TNPO1: variants seen among roughly 807,000 people sequenced by gnomAD.
TNPO1 encodes transportin-1.
In TNPO1, 8 loss-of-function variants were observed where a neutral mutation model predicts 119.5. The ratio of observed to expected loss-of-function variants is 0.07; its 90% confidence interval spans 0.04 to 0.12. TNPO1 has a LOEUF of 0.12. Among genes scored for constraint, TNPO1 ranks in the 10% least tolerant of loss-of-function variants. TNPO1 has a pLI of 1.00. For synonymous variants in TNPO1, 362 were observed against 363.0 expected, an observed-to-expected ratio of 1.00 and a Z score of 0.03; for missense variants, 576 against 1,089.8, an observed-to-expected ratio of 0.53 and a Z score of 6.64.
intron 2 of TNPO1, among the ~76,000 whole-genome samples, chr5:72,849,218 G>C (rs1403780935): frequency 5.3e-5 from 8 of 152,160 alleles, no homozygotes; most frequent in African/African-American, 1.9e-4. Flanking sequence ...GAGTGTGCTG[G>C]TGTAGTGATC....
intron 16 of TNPO1, 52 bp downstream of exon 16, chr5:72,893,298 A>C (rs773572125): frequency 6.9e-6 from 11 of 1,605,094 alleles, no homozygotes; most frequent in Non-Finnish European, 8.5e-6. Flanking sequence ...CATTTTTCTA[A>C]AGATAGGTAT....
At chr5:72,899,514 G>T (rs1749667544) in intron 20 of TNPO1, among the ~76,000 whole-genome samples, 1 of 152,014 alleles carries the variant, frequency 6.6e-6, no homozygotes, top group South Asian at 2.1e-4. Flanking sequence ...AATTTCCAAG[G>T]AATGGAAATC....
Position 72,909,070 on chromosome 5 carries a change from A to G in TNPO1, c.*397A>G, listed in dbSNP as rs1342855502. On this transcript the variant is annotated 3_prime_UTR_variant, in exon 25 of 25. Coordinates refer to ENST00000337273, the MANE Select transcript of TNPO1 (RefSeq NM_002270.4). ...GGACAAGAAAGAGGAACAATTCTAT[A>G]GCGCACAATAAAGGAAACCTAAGAA... 1 of 180,664 alleles carries G rather than the reference A, an allele frequency of 5.5e-6. No homozygotes were observed. The highest frequency in any genetic ancestry group is 1.2e-5 in the Non-Finnish European group (1 of 83,120). 11.2% of individuals were successfully genotyped at this position (180,664 alleles called of 1,614,324 possible).
intron 11 of TNPO1, among the ~76,000 whole-genome samples, chr5:72,886,822 G>A (rs1313533051): frequency 7.2e-6 from 1 of 139,182 alleles, no homozygotes; most frequent in Non-Finnish European, 1.5e-5. Flanking sequence ...CTGGGAGGCA[G>A]AGGTTGCAGT....
chr5:72,839,808 G>A (rs1744832994), intron 1 of TNPO1, among the ~76,000 whole-genome samples: 1 of 152,140 alleles, frequency 6.6e-6, no homozygotes, highest in South Asian at 2.1e-4. Context: ...TAATTATAAT[G>A]TGTAGTTAGG....
intron 5 of TNPO1, among the ~76,000 whole-genome samples, chr5:72,864,474 TC>T (rs1471808320): frequency 6.6e-6 from 1 of 152,194 alleles, no homozygotes; most frequent in Non-Finnish European, 1.5e-5. Context: ...CTCTGGATTA[TC>T]CCCTTTAGTA....
At chr5:72,834,344 A>G (rs1241862424) in intron 1 of TNPO1, among the ~76,000 whole-genome samples, 1 of 152,226 alleles carries the variant, frequency 6.6e-6, no homozygotes, top group Non-Finnish European at 1.5e-5. Flanking sequence ...TTCAGGAGGT[A>G]TTCTAGAAGA....
intron 5 of TNPO1, among the ~76,000 whole-genome samples, chr5:72,864,609 C>CT (rs1214057676): frequency 3.3e-5 from 5 of 151,544 alleles, no homozygotes; most frequent in African/African-American, 7.3e-5. Flanking sequence ...ATGTAAGTAA[C>CT]TTTTTTTTCC....
intron 6 of TNPO1, among the ~76,000 whole-genome samples, chr5:72,868,819 C>T (rs1385465463): frequency 6.6e-6 from 1 of 151,888 alleles, no homozygotes; most frequent in South Asian, 2.1e-4. Context: ...CTAGCCTGGC[C>T]AACATGGTGA....
chr5:72,896,800 C>G (rs1435782436), intron 19 of TNPO1, among the ~76,000 whole-genome samples: 1 of 152,122 alleles, frequency 6.6e-6, no homozygotes, highest in East Asian at 1.9e-4. Context: ...ACCTGGGAGG[C>G]AGAGGTTTCA....
intron 3 of TNPO1, among the ~76,000 whole-genome samples, chr5:72,852,029 G>A (rs1745616863): frequency 6.6e-6 from 1 of 152,120 alleles, no homozygotes; most frequent in South Asian, 2.1e-4. Flanking sequence ...ATCTTCCAGA[G>A]ATGATTATTG....
intron 6 of TNPO1, among the ~76,000 whole-genome samples, chr5:72,867,966 G>T (rs61216603): frequency 0.47 from 72,053 of 151,970 alleles, 18,324 homozygotes; most frequent in Admixed American, 0.61. Flanking sequence ...TGAAGATCTT[G>T]TATGTTTATT....
intron 23 of TNPO1, among the ~76,000 whole-genome samples, chr5:72,904,141 T>C (rs941835699): frequency 6.6e-6 from 1 of 152,188 alleles, no homozygotes; most frequent in African/African-American, 2.4e-5. Flanking sequence ...AGTAAGCCCA[T>C]GTCATTATTT....
At chr5:72,841,413 C>T (rs1246629573) in intron 1 of TNPO1, among the ~76,000 whole-genome samples, 15 of 152,014 alleles carry the variant, frequency 9.9e-5, no homozygotes, top group East Asian at 1.9e-4. Context: ...CCACCGCGCC[C>T]GGCTCATTAT....
intron 1 of TNPO1, among the ~76,000 whole-genome samples, chr5:72,818,832 TG>T (rs1743816633): frequency 6.6e-6 from 1 of 152,174 alleles, no homozygotes; most frequent in African/African-American, 2.4e-5. Context: ...TGGCGAACAA[TG>T]CCATCCTCAA....
chr5:72,851,513 G>C (rs1169019152), intron 3 of TNPO1, among the ~76,000 whole-genome samples, 194 bp downstream of exon 3: 1 of 151,992 alleles, frequency 6.6e-6, no homozygotes, highest in African/African-American at 2.4e-5. Flanking sequence ...TGTATATACA[G>C]ACAGAGTCTC....
intron 9 of TNPO1, among the ~76,000 whole-genome samples, chr5:72,878,010 G>A (rs575380984): frequency 6.6e-6 from 1 of 152,092 alleles, no homozygotes; most frequent in Non-Finnish European, 1.5e-5. Flanking sequence ...ACTATTTAAT[G>A]GTTTGTTCTT....
intron 3 of TNPO1, among the ~76,000 whole-genome samples, chr5:72,853,936 G>A (rs569214136): frequency 1.3e-5 from 2 of 152,226 alleles, no homozygotes; most frequent in Admixed American, 6.5e-5. Flanking sequence ...AAAGGAAATC[G>A]TTAGTCGTTG....
intron 24 of TNPO1, among the ~76,000 whole-genome samples, chr5:72,906,653 T>C (rs551811261): frequency 6.6e-6 from 1 of 152,292 alleles, no homozygotes; most frequent in East Asian, 1.9e-4. Context: ...TGGACTATAT[T>C]CATTTGGACT....
Sources: gnomAD v4.1 joint callset for allele counts (sites outside exome capture counted in the v4.1 genomes callset) on GRCh38, gnomAD v4.1.1 for gene constraint, MANE v1.5 for transcripts, NCBI Gene and HGNC (gene_info 2026-07-23, HGNC 2026-07-21) for gene names.